The following SPINT1 variants were observed in gnomAD, a reference collection of about 807,000 sequenced individuals.
The protein encoded by SPINT1 is kunitz-type protease inhibitor 1.
A neutral mutation model predicts 53.7 loss-of-function variants in SPINT1; 38 were observed. That is an observed-to-expected ratio of 0.71 (90% CI 0.55 to 0.93). The LOEUF is 0.93. Ranked by LOEUF, SPINT1 falls within the 40% of genes least tolerant of loss-of-function variation. The probability of loss-of-function intolerance (pLI) is 0.00; values close to 1 mark genes in which losing one functional copy is unlikely to be tolerated. For synonymous variants in SPINT1, 283 were observed against 280.6 expected, an observed-to-expected ratio of 1.01 and a Z score of -0.08; for missense variants, 645 against 692.9, an observed-to-expected ratio of 0.93 and a Z score of 0.78.
In SPINT1 at chr15:40,853,545, C is replaced by G; in HGVS notation, c.660C>G (p.Phe220Leu). 1 of 1,614,104 alleles carries G rather than the reference C, an allele frequency of 6.2e-7. No individual in the cohort carries two copies. The highest frequency in any genetic ancestry group is 1.3e-5 in the African/African-American group (1 of 75,028). The change falls in exon 4 of 11, where the codon TTC becomes TTG. Residue 220 changes from phenylalanine to leucine, a missense_variant. By Grantham distance (22) the Phe-to-Leu change is conservative. Coordinates refer to ENST00000562057, the MANE Select transcript of SPINT1 (RefSeq NM_003710.4). ...LWGLKEGTYL[F>L]QLTVTSSDHP... ...GACTCAAGGAAGGCACCTACCTGTT[C>G]CAGCTGACAGTGACTAGCTCAGACC...
rs760568200 is a variant in SPINT1 at position 40,844,552 on chromosome 15, G to T, written c.-3G>T. 6.2e-7 allele frequency: 1 copy of T among 1,610,582 alleles called. No homozygotes were observed. Among genetic ancestry groups the T allele is most frequent in the Non-Finnish European group, 8.5e-7 (1 of 1,179,232 alleles). ...GAAGGTGACCCCCCTGGGGAGGAAG[G>T]CGATGGCCCCTGCGAGGACGATGGC... On this transcript the variant is annotated 5_prime_UTR_variant, in exon 2 of 11. Transcript: ENST00000562057. The surrounding 1 kb of genome is among the most constrained non-coding windows in gnomAD (Gnocchi z 5.8).
chr15:40,848,588 T>A (rs1437916590), intron 2 of SPINT1, among the ~76,000 whole-genome samples: 2 of 152,210 alleles, frequency 1.3e-5, no homozygotes, highest in African/African-American at 4.8e-5. Context: ...GTAGCATGGT[T>A]TAGTTCTTAG....
At chr15:40,846,273 C>T (rs946836980) in intron 2 of SPINT1, among the ~76,000 whole-genome samples, 2 of 152,146 alleles carry the variant, frequency 1.3e-5, no homozygotes, top group East Asian at 1.9e-4. Context: ...CTTGGTTCCC[C>T]CTTTCTCTCT....
chr15:40,849,321 G>A (rs1000763462), intron 2 of SPINT1, among the ~76,000 whole-genome samples: 6 of 150,664 alleles, frequency 4.0e-5, no homozygotes, highest in Non-Finnish European at 8.8e-5. Context: ...ACCACAGCTC[G>A]CTGCAGCCTC....
At chr15:40,849,762 T>C (rs961966717) in intron 2 of SPINT1, among the ~76,000 whole-genome samples, 24 of 152,222 alleles carry the variant, frequency 1.6e-4, no homozygotes, top group Non-Finnish European at 2.9e-4. Context: ...CCATTTAATC[T>C]TTCTGGTGTC....
intron 2 of SPINT1, among the ~76,000 whole-genome samples, chr15:40,845,318 A>ATTTTTTTTTTTTTTT (rs34480117): frequency 1.7e-5 from 1 of 58,182 alleles, no homozygotes; most frequent in Non-Finnish European, 3.1e-5. Flanking sequence ...GACCCGGCTA[A>ATTTTTTTTTTTTTTT]TTTTTTTTTT....
At chr15:40,850,462 A>G (rs932587691) in intron 2 of SPINT1, among the ~76,000 whole-genome samples, 21 of 152,362 alleles carry the variant, frequency 1.4e-4, no homozygotes, top group African/African-American at 3.6e-4. Context: ...TGATGCAGGT[A>G]GAGTACCTAG....
chr15:40,853,353 G>A, intron 3 of SPINT1, 102 bp downstream of exon 3: 2 of 1,600,974 alleles, frequency 1.2e-6, no homozygotes, highest in South Asian at 1.1e-5. Context: ...ATGGGATGGG[G>A]TGGAGAGAGG....
At chr15:40,851,406 C>G (rs971054229) in intron 2 of SPINT1, among the ~76,000 whole-genome samples, 22 of 152,146 alleles carry the variant, frequency 1.4e-4, no homozygotes, top group African/African-American at 5.3e-4. Context: ...CCGCCTTGGC[C>G]GCCCAAAGTG....
At chr15:40,849,052 C>T (rs1245140999) in intron 2 of SPINT1, among the ~76,000 whole-genome samples, 4 of 151,838 alleles carry the variant, frequency 2.6e-5, no homozygotes, top group Non-Finnish European at 4.4e-5. Context: ...TGAGACCATC[C>T]TGGCTAACAC....
chr15:40,847,970 T>C (rs2412570), intron 2 of SPINT1, among the ~76,000 whole-genome samples: 112,160 of 151,620 alleles, frequency 0.74, 41,863 homozygotes, highest in East Asian at 0.99. Context: ...TACTCTCCTG[T>C]TTGTCAGCCA....
At chr15:40,849,442 A>G (rs1891393232) in intron 2 of SPINT1, among the ~76,000 whole-genome samples, 1 of 152,054 alleles carries the variant, frequency 6.6e-6, no homozygotes. Context: ...AGGTCTCACT[A>G]TGTTGCCCAG....
At chr15:40,849,201 A>G (rs1433265175) in intron 2 of SPINT1, among the ~76,000 whole-genome samples, 16 of 151,562 alleles carry the variant, frequency 1.1e-4, no homozygotes, top group Non-Finnish European at 1.8e-4. Context: ...AGCCAAGATC[A>G]CGCCACTGCC....
intron 2 of SPINT1, among the ~76,000 whole-genome samples, chr15:40,852,053 T>A (rs2142010687): frequency 6.6e-6 from 1 of 152,178 alleles, no homozygotes; most frequent in Non-Finnish European, 1.5e-5. Context: ...AAAAAATTAT[T>A]CTTGCAGAGT....
At chr15:40,851,151 CTTTTTTCTTTTT>C (rs1391847818) in intron 2 of SPINT1, among the ~76,000 whole-genome samples, 3 of 151,010 alleles carry the variant, frequency 2.0e-5, no homozygotes, top group Non-Finnish European at 4.4e-5. Flanking sequence ...CTGCCATTTT[CTTTTTTCTTTTT>C]TTTTTTTTTT....
rs571367074 is a variant in SPINT1, at chr15:40,856,551, G to A, written c.1337-219G>A. On this transcript the variant is annotated intron_variant, in intron 10 of 10. Transcript: ENST00000562057. ...GTCCCAGGCTTCCCCCAAGTTAACT[G>A]CAAGGAGAGCGACTTGAGCTGAGAC... Among the ~76,000 whole-genome samples the A allele has an allele frequency of 3.9e-5, 6 of 152,292 alleles. No individual in the cohort carries two copies. The South Asian group carries it at 1.2e-3, about 32-fold the overall frequency.
rs147386305 is a variant in SPINT1 at position 40,855,979 on chromosome 15, G to C, written c.1205G>C (p.Arg402Pro). 9.3e-6 allele frequency: 15 copies of C among 1,614,228 alleles called. No homozygotes were observed. The East Asian group carries it at 2.0e-4, about 22-fold the overall frequency. ...AACCCCTTCAGCGAACACTGCGCCC[G>C]CTTTACCTATGGTGGTTGTTACGGC... ...YYNPFSEHCA[R>P]FTYGGCYGNK... The change falls in exon 9 of 11, where the codon CGC (arginine) becomes CCC (proline). Residue 402 changes from arginine (R) to proline (P), a missense_variant. Arg to Pro is a moderately radical substitution (Grantham distance 103). Coordinates refer to ENST00000562057, the MANE Select transcript of SPINT1 (RefSeq NM_003710.4).
chr15:40,844,497 G>A lies in SPINT1; in HGVS notation c.-58G>A, dbSNP rs1891211131. The A allele has an allele frequency of 1.3e-6, 2 of 1,532,406 alleles. No homozygotes were observed. The highest frequency in any genetic ancestry group is 1.4e-5 in the African/African-American group (1 of 73,204). 94.9% of individuals were successfully genotyped at this position (1,532,406 alleles called of 1,614,324 possible). On this transcript the variant is annotated 5_prime_UTR_variant, in exon 2 of 11. Coordinates refer to ENST00000562057, the MANE Select transcript of SPINT1 (RefSeq NM_003710.4). The surrounding 1 kb of genome is among the most constrained non-coding windows in gnomAD (Gnocchi z 5.8). ...CCCCTCCCTTCTTCTCAGGTCACCA[G>A]CACCCTCGGAACCCAGAGGCCCGCG... is the stretch of plus-strand genomic sequence containing the variant.
intron 4 of SPINT1, 34 bp from the exon 5 acceptor site, chr15:40,853,677 G>T (rs771968874): frequency 1.9e-6 from 3 of 1,613,854 alleles, no homozygotes; most frequent in Non-Finnish European, 2.5e-6. Context: ...GTGCGGATTG[G>T]CCGCACGGTC....
Sources: allele counts gnomAD v4.1 joint callset (sites outside exome capture counted in the v4.1 genomes callset), GRCh38; gene constraint gnomAD v4.1.1; non-coding constraint Gnocchi (gnomAD v3.1); transcripts MANE v1.5; gene names NCBI Gene and HGNC (gene_info 2026-07-23, HGNC 2026-07-21).